XRCC4: variants seen among roughly 807,000 people sequenced by gnomAD.
XRCC4 encodes X-ray repair cross complementing 4.
A neutral mutation model predicts 39.1 loss-of-function variants in XRCC4; 28 were observed. That is an observed-to-expected ratio of 0.72 (90% CI 0.53 to 0.98). The LOEUF (loss-of-function observed/expected upper bound fraction) is 0.98, where lower values mean the gene tolerates loss of function less well. Ranked by LOEUF, XRCC4 falls within the 50% of genes least tolerant of loss-of-function variation. The pLI, the probability that XRCC4 is intolerant of heterozygous loss-of-function variation, is 0.00. For synonymous variants in XRCC4, 123 were observed against 126.4 expected, an observed-to-expected ratio of 0.97 and a Z score of 0.18; for missense variants, 350 against 376.4, an observed-to-expected ratio of 0.93 and a Z score of 0.58.
At position 83,314,314 on chromosome 5, in the gene XRCC4, A is replaced by T. The variant is rs566118131; in HGVS notation, c.894-38817A>T. 5.3e-5 allele frequency among the ~76,000 whole-genome samples: 8 copies of T among 152,306 alleles called. No homozygotes were observed. The East Asian group carries it at 1.4e-3, about 26-fold the overall frequency. ...TTTTTAGATAATTGTTGCCTAGTTA[A>T]AGAAAACCATTTGGTTGCACAAGGA... is the stretch of plus-strand genomic sequence containing the variant. On this transcript the variant is annotated intron_variant, in intron 7 of 7. Transcript: ENST00000396027.
chr5:83,296,859 A>T (rs1032756944), intron 7 of XRCC4, among the ~76,000 whole-genome samples: 2 of 137,950 alleles, frequency 1.4e-5, no homozygotes, highest in African/African-American at 5.4e-5. Flanking sequence ...AATATATTTG[A>T]GTCTAAACAG....
chr5:83,251,213 G>T (rs1368513910), intron 6 of XRCC4, among the ~76,000 whole-genome samples: 1 of 152,166 alleles, frequency 6.6e-6, no homozygotes, highest in African/African-American at 2.4e-5. Flanking sequence ...TCCTTTGGTA[G>T]TAAAGTTTTA....
rs930242608 is a variant in XRCC4 at position 83,196,044 on chromosome 5, T to C, written c.482+108T>C. 4 of 1,148,216 alleles carry C rather than the reference T, an allele frequency of 3.5e-6. No homozygotes were observed. In the African/African-American group the frequency reaches 6.2e-5, roughly 18 times the overall value. 71.1% of individuals were successfully genotyped at this position (1,148,216 alleles called of 1,614,324 possible). A position where few individuals can be genotyped will look rare whatever the true frequency, so the allele number is the denominator to read the frequency against. On this transcript the variant is annotated intron_variant, in intron 4 of 7. Transcript: ENST00000396027. ...TCCAATATATGTGGATTAGCACATA[T>C]ATATTTACCTTAACTGAATATGATT...
At chr5:83,147,337 T>A (rs1467278338) in intron 3 of XRCC4, among the ~76,000 whole-genome samples, 2 of 151,968 alleles carry the variant, frequency 1.3e-5, no homozygotes, top group African/African-American at 4.8e-5. Flanking sequence ...AGAAGGAAAA[T>A]GTGATAGATC....
intron 6 of XRCC4, among the ~76,000 whole-genome samples, chr5:83,220,855 A>G (rs997555515): frequency 1.2e-4 from 19 of 152,314 alleles, no homozygotes; most frequent in Admixed American, 1.1e-3. Context: ...AATAATTTGG[A>G]CAAAATCAGA....
intron 7 of XRCC4, among the ~76,000 whole-genome samples, chr5:83,309,022 G>A (rs1755586901): frequency 6.6e-6 from 1 of 151,720 alleles, no homozygotes; most frequent in Admixed American, 6.6e-5. Flanking sequence ...GCTCACGCCT[G>A]TAATCCCAGC....
At chr5:83,240,438 G>A (rs1752863462) in intron 6 of XRCC4, among the ~76,000 whole-genome samples, 1 of 152,160 alleles carries the variant, frequency 6.6e-6, no homozygotes, top group African/African-American at 2.4e-5. Context: ...GAAATAGAGA[G>A]AGGGGAGAGC....
chr5:83,279,266 G>C (rs1754453227), intron 7 of XRCC4, among the ~76,000 whole-genome samples: 1 of 151,664 alleles, frequency 6.6e-6, no homozygotes, highest in South Asian at 2.1e-4. Context: ...TATTGACAGA[G>C]CAGCCAGAAT....
intron 7 of XRCC4, among the ~76,000 whole-genome samples, chr5:83,345,791 T>C (rs147386969): frequency 1.2e-4 from 18 of 152,340 alleles, no homozygotes; most frequent in African/African-American, 4.3e-4. Flanking sequence ...TGTTACTAAT[T>C]TAACTCCTAT....
chr5:83,120,076 T>C (rs1053164743), intron 3 of XRCC4, among the ~76,000 whole-genome samples: 2 of 150,696 alleles, frequency 1.3e-5, no homozygotes, highest in Non-Finnish European at 2.9e-5. Flanking sequence ...AATAGCATTG[T>C]AAAAACTATG....
chr5:83,349,261 C>T lies in XRCC4; in HGVS notation c.894-3870C>T, dbSNP rs190087671. ...TCCAATCACCTCCCAACAGGCCCCT[C>T]CTCCAACATTGAGGATTACAGTTCA... On this transcript the variant is annotated intron_variant, in intron 7 of 7. Transcript: ENST00000396027. Among the ~76,000 whole-genome samples, 630 of 152,326 alleles carry T rather than the reference C, an allele frequency of 4.1e-3. 1 individual carries two copies. The highest frequency in any genetic ancestry group is 6.9e-3 in the Non-Finnish European group (467 of 68,030).
chr5:83,287,039 T>G (rs1453784727), intron 7 of XRCC4, among the ~76,000 whole-genome samples: 1 of 152,064 alleles, frequency 6.6e-6, no homozygotes, highest in Admixed American at 6.6e-5. Context: ...CTGTGAAGGA[T>G]TAAGATTCGT....
At chr5:83,268,850 A>C (rs190547103) in intron 7 of XRCC4, among the ~76,000 whole-genome samples, 1 of 152,222 alleles carries the variant, frequency 6.6e-6, no homozygotes, top group East Asian at 1.9e-4. Flanking sequence ...GAATTGAACA[A>C]ATCAATTTAG....
chr5:83,371,477 G>A, the XRCC4 span, among the ~76,000 whole-genome samples: 1 of 152,046 alleles, frequency 6.6e-6, no homozygotes, highest in South Asian at 2.1e-4. Context: ...TGAGTATAAT[G>A]GAAATAAACA....
downstream of XRCC4, among the ~76,000 whole-genome samples, chr5:83,357,373 A>G (rs1447350920): frequency 2.0e-5 from 3 of 152,190 alleles, no homozygotes; most frequent in African/African-American, 7.2e-5. Context: ...GGTAGTCCAG[A>G]TGGTATAAAA....
chr5:83,327,230 G>A (rs747799758), intron 7 of XRCC4, among the ~76,000 whole-genome samples: 5 of 151,998 alleles, frequency 3.3e-5, no homozygotes, highest in East Asian at 1.9e-4. Context: ...CCTGGCAACT[G>A]CTGACCTGAT....
intron 3 of XRCC4, among the ~76,000 whole-genome samples, chr5:83,170,961 G>T (rs1253505741): frequency 6.6e-6 from 1 of 152,094 alleles, no homozygotes; most frequent in African/African-American, 2.4e-5. Context: ...TCTTAAATGT[G>T]TCTGTATTCT....
chr5:83,102,491 A>G (rs941483223), intron 1 of XRCC4, among the ~76,000 whole-genome samples: 25 of 152,156 alleles, frequency 1.6e-4, no homozygotes, highest in African/African-American at 6.0e-4. Context: ...AGACTTTTCA[A>G]ATCCTCAGCA....
intron 6 of XRCC4, among the ~76,000 whole-genome samples, chr5:83,230,701 T>C (rs1165334923): frequency 6.6e-6 from 1 of 151,958 alleles, no homozygotes; most frequent in Non-Finnish European, 1.5e-5. Flanking sequence ...CCTAGGTCCC[T>C]TGGCAACTCA....
Sources: gnomAD v4.1 joint callset for allele counts (sites outside exome capture counted in the v4.1 genomes callset) on GRCh38, gnomAD v4.1.1 for gene constraint, MANE v1.5 for transcripts, NCBI Gene and HGNC (gene_info 2026-07-23, HGNC 2026-07-21) for gene names.